Variants in NUP205 observed in about 807,000 individuals in gnomAD.
NUP205 encodes the protein nuclear pore complex protein Nup205.
NUP205 carries 76 observed loss-of-function variants against 253.8 expected under a neutral mutation model. That is an observed-to-expected ratio of 0.30 (90% CI 0.25 to 0.36). NUP205 has a LOEUF of 0.36. Among genes scored for constraint, NUP205 ranks in the 10% least tolerant of loss-of-function variants. The pLI is 1.00. For missense variants in NUP205, 2,162 were observed against 2,425.5 expected, an observed-to-expected ratio of 0.89 and a Z score of 2.28; for synonymous variants, 832 against 850.1, an observed-to-expected ratio of 0.98 and a Z score of 0.37.
At chr7:135,634,792 G>T (rs995178247) in intron 35 of NUP205, among the ~76,000 whole-genome samples, 1 of 152,156 alleles carries the variant, frequency 6.6e-6, no homozygotes, top group South Asian at 2.1e-4. Flanking sequence ...AGGATTTTCT[G>T]TCAGTTTGTG....
At chr7:135,575,528 G>C (rs1427837271) in intron 3 of NUP205, among the ~76,000 whole-genome samples, 3 of 152,208 alleles carry the variant, frequency 2.0e-5, no homozygotes, top group African/African-American at 7.2e-5. Flanking sequence ...CAGGCGTGGT[G>C]GCTCACACCT....
chr7:135,573,464 T>C (rs1806057447), intron 2 of NUP205, among the ~76,000 whole-genome samples, 190 bp from the exon 3 acceptor site: 1 of 152,182 alleles, frequency 6.6e-6, no homozygotes, highest in African/African-American at 2.4e-5. Flanking sequence ...GAAGGTAGTA[T>C]TGGAATAAAA....
intron 1 of NUP205, among the ~76,000 whole-genome samples, chr7:135,559,175 A>G (rs1270447918): frequency 6.6e-6 from 1 of 152,160 alleles, no homozygotes; most frequent in Non-Finnish European, 1.5e-5. Flanking sequence ...CTAATGATCT[A>G]AGTCAGTCTT....
At chr7:135,615,472 C>A (rs148596440) in intron 23 of NUP205, among the ~76,000 whole-genome samples, 5 of 152,180 alleles carry the variant, frequency 3.3e-5, no homozygotes, top group Non-Finnish European at 7.4e-5. Flanking sequence ...TAAACCACAT[C>A]ATTAATTGAG....
In NUP205 at chr7:135,577,069, A is replaced by G. The variant is rs771407499; in HGVS notation, c.589A>G (p.Asn197Asp). The G allele has an allele frequency of 5.6e-6, 9 of 1,614,086 alleles. No homozygotes were observed. The highest frequency in any genetic ancestry group is 5.1e-6 in the Non-Finnish European group (6 of 1,179,950). The change falls in exon 5 of 43, where the codon AAT becomes GAT. Residue 197 changes from asparagine (N) to aspartate (D), a missense_variant. Physicochemically the swap from Asn to Asp is conservative, Grantham distance 23. Transcript: ENST00000285968. ...GCTGGTGTCACAGATTGATGTGAAT[A>G]ATGAGTTTGAGAAACTACAGCGAGA... ...LTLVSQIDVN[N>D]EFEKLQRERG... is the part of the protein sequence containing the mutation.
intron 1 of NUP205, among the ~76,000 whole-genome samples, chr7:135,570,899 T>TA (rs1491137038): frequency 4.2e-4 from 52 of 124,504 alleles, no homozygotes; most frequent in African/African-American, 1.5e-3. Flanking sequence ...ATATTATATA[T>TA]TTATATATAA....
In NUP205 at chr7:135,633,937, A is replaced by G. The variant is rs140723888; in HGVS notation, c.5060-1644A>G. On this transcript the variant is annotated intron_variant, in intron 35 of 42. Transcript: ENST00000285968. ...GCCCTGTATTATCCTATAATTTGCT[A>G]TAATTTATGCACATTTGTCTTAAAC... is the stretch of plus-strand genomic sequence containing the variant. Among the ~76,000 whole-genome samples the G allele has an allele frequency of 6.6e-5, 10 of 152,338 alleles. No homozygotes were observed. The East Asian group carries it at 1.7e-3, about 26-fold the overall frequency.
intron 1 of NUP205, among the ~76,000 whole-genome samples, chr7:135,567,286 A>C (rs572030720): frequency 1.9e-4 from 28 of 147,710 alleles, no homozygotes; most frequent in Middle Eastern, 3.6e-3. Context: ...CTCCCTTTAA[A>C]AAATTTTTTT....
At chr7:135,610,977 A>T (rs920245217) in intron 22 of NUP205, among the ~76,000 whole-genome samples, 10 of 149,430 alleles carry the variant, frequency 6.7e-5, no homozygotes. Context: ...TGCTTTTTGA[A>T]CTCACTTTTT....
intron 15 of NUP205, among the ~76,000 whole-genome samples, chr7:135,599,576 A>G (rs1041618850): frequency 6.6e-6 from 1 of 152,148 alleles, no homozygotes; most frequent in Non-Finnish European, 1.5e-5. Context: ...ATACTTTTTT[A>G]CAGTTGTTTT....
chr7:135,567,851 CAT>C (rs1181776269), intron 1 of NUP205, among the ~76,000 whole-genome samples: 1 of 152,160 alleles, frequency 6.6e-6, no homozygotes, highest in Non-Finnish European at 1.5e-5. Context: ...AGTCTAAACA[CAT>C]ATGAGTACCT....
intron 14 of NUP205, 185 bp downstream of exon 14, chr7:135,597,603 G>A: frequency 2.1e-6 from 1 of 476,200 alleles, no homozygotes; most frequent in Non-Finnish European, 3.7e-6. Flanking sequence ...AAAATATTTT[G>A]TGTTTCAGAG....
chr7:135,573,649 T>C lies in NUP205; in HGVS notation c.172-5T>C, dbSNP rs1342369092. 6.2e-7 allele frequency: 1 copy of C among 1,605,704 alleles called. No individual in the cohort carries two copies. Among genetic ancestry groups the C allele is most frequent in the Non-Finnish European group, 8.5e-7 (1 of 1,177,532 alleles). On this transcript the variant is annotated splice_region_variant and splice_polypyrimidine_tract_variant and intron_variant, in intron 2 of 42. Coordinates refer to ENST00000285968, the MANE Select transcript of NUP205 (RefSeq NM_015135.3). ...TTCATAACAATTACAATTTTATCAT[T>C]GTAGCCAAAAAATGTTCAACAGCAT...
chr7:135,599,669 CTA>C (rs1318224619), intron 15 of NUP205, among the ~76,000 whole-genome samples: 30 of 152,294 alleles, frequency 2.0e-4, no homozygotes, highest in African/African-American at 7.0e-4. Flanking sequence ...TCTCCAGATG[CTA>C]TCACTTTTCA....
chr7:135,604,634 T>C lies in NUP205; in HGVS notation c.2823+174T>C, dbSNP rs1232278729. On this transcript the variant is annotated intron_variant, in intron 19 of 42. Transcript: ENST00000285968. ...TACCCACGAACTTGGCTATGACTTA[T>C]CTTTGAAGATAATGCTATTCACAGT... Among the ~76,000 whole-genome samples the C allele has an allele frequency of 5.3e-5, 8 of 152,358 alleles. No homozygotes were observed. The East Asian group carries it at 7.7e-4, about 15-fold the overall frequency.
chr7:135,633,082 C>G (rs747565367), intron 35 of NUP205, among the ~76,000 whole-genome samples: 19 of 152,040 alleles, frequency 1.2e-4, no homozygotes, highest in Non-Finnish European at 2.6e-4. Context: ...CCTCCCACCT[C>G]AGCTTCTCAA....
At chr7:135,632,472 C>A (rs895423299) in intron 35 of NUP205, among the ~76,000 whole-genome samples, 6 of 151,872 alleles carry the variant, frequency 4.0e-5, no homozygotes, top group African/African-American at 1.5e-4. Flanking sequence ...TTTTATGTTG[C>A]TTTGGAGATG....
At chr7:135,599,824 T>C (rs945922591) in intron 15 of NUP205, among the ~76,000 whole-genome samples, 3 of 152,214 alleles carry the variant, frequency 2.0e-5, no homozygotes, top group Admixed American at 6.5e-5. Context: ...CTAATTTATA[T>C]GACTATTTTA....
chr7:135,623,507 C>T (rs1794519411), intron 31 of NUP205, among the ~76,000 whole-genome samples: 1 of 152,158 alleles, frequency 6.6e-6, no homozygotes, highest in African/African-American at 2.4e-5. Context: ...AACAGAAACG[C>T]TGCTTAATAA....
Sources: allele counts gnomAD v4.1 joint callset (sites outside exome capture counted in the v4.1 genomes callset), GRCh38; gene constraint gnomAD v4.1.1; transcripts MANE v1.5; gene names NCBI Gene and HGNC (gene_info 2026-07-23, HGNC 2026-07-21).